GNA14: variants seen among roughly 807,000 people sequenced by gnomAD.
GNA14 encodes the protein G protein subunit alpha 14, also known as guanine nucleotide-binding protein subunit alpha-14.
A neutral mutation model predicts 42.0 loss-of-function variants in GNA14; 50 were observed. That is an observed-to-expected ratio of 1.19 (90% CI 0.95 to 1.51). The LOEUF is 1.51. GNA14 is among the 40% of genes most tolerant of loss of function. The pLI, the probability that GNA14 is intolerant of heterozygous loss-of-function variation, is 0.00. For missense variants in GNA14, 473 were observed against 446.2 expected, an observed-to-expected ratio of 1.06 and a Z score of -0.54; for synonymous variants, 173 against 163.1, an observed-to-expected ratio of 1.06 and a Z score of -0.46.
intron 1 of GNA14, among the ~76,000 whole-genome samples, chr9:77,601,557 T>C (rs1428608489): frequency 1.3e-5 from 2 of 152,218 alleles, no homozygotes; most frequent in Non-Finnish European, 2.9e-5. Context: ...CTACTCTGCA[T>C]AGAAAGAGAC....
At chr9:77,616,006 C>T (rs1426262514) in intron 1 of GNA14, among the ~76,000 whole-genome samples, 1 of 152,116 alleles carries the variant, frequency 6.6e-6, no homozygotes, top group Non-Finnish European at 1.5e-5. Flanking sequence ...TCATGCTATA[C>T]ATGCAGGGTT....
chr9:77,459,442 G>A (rs1485123008), intron 2 of GNA14, among the ~76,000 whole-genome samples: 6 of 151,836 alleles, frequency 4.0e-5, no homozygotes, highest in Non-Finnish European at 5.9e-5. Flanking sequence ...GCCTGGCCTC[G>A]CCTCCTGTCT....
chr9:77,569,114 A>AT (rs1279747259), intron 1 of GNA14, among the ~76,000 whole-genome samples: 1 of 150,418 alleles, frequency 6.6e-6, no homozygotes, highest in Non-Finnish European at 1.5e-5. Context: ...CCCCAGATGC[A>AT]TTTTAAACTG....
intron 1 of GNA14, among the ~76,000 whole-genome samples, chr9:77,548,182 C>T (rs975053091): frequency 6.6e-6 from 1 of 152,196 alleles, no homozygotes; most frequent in Admixed American, 6.5e-5. Context: ...CTGCTCCATG[C>T]TCCTCTCCCA....
chr9:77,507,284 C>T (rs1300539656), intron 2 of GNA14, among the ~76,000 whole-genome samples: 2 of 152,186 alleles, frequency 1.3e-5, no homozygotes, highest in Non-Finnish European at 2.9e-5. Flanking sequence ...AATATGCTTA[C>T]CCAATTCCTA....
At chr9:77,635,227 C>T (rs7869826) in intron 1 of GNA14, 51,553 of 151,992 alleles carry the variant, frequency 0.34, 12,607 homozygotes, top group African/African-American at 0.66. Flanking sequence ...CTTCATGAAT[C>T]TGCATGTCAT....
At chr9:77,487,703 GT>G (rs1359292849) in intron 2 of GNA14, among the ~76,000 whole-genome samples, 1 of 152,110 alleles carries the variant, frequency 6.6e-6, no homozygotes, top group Non-Finnish European at 1.5e-5. Context: ...AAACTAGGAT[GT>G]TTTGGTTCAT....
chr9:77,607,262 CACACAG>C (rs1218085956), intron 1 of GNA14, among the ~76,000 whole-genome samples: 2 of 152,150 alleles, frequency 1.3e-5, no homozygotes, highest in Non-Finnish European at 2.9e-5. Context: ...ATCACTGGCT[CACACAG>C]ACGAGAGATG....
chr9:77,508,440 G>A (rs1382912314), intron 2 of GNA14, among the ~76,000 whole-genome samples: 1 of 152,170 alleles, frequency 6.6e-6, no homozygotes, highest in Admixed American at 6.5e-5. Context: ...GGTGGTGTTG[G>A]ATTAAAATTG....
At chr9:77,443,198 TAC>T (rs1835763678) in intron 2 of GNA14, among the ~76,000 whole-genome samples, 1 of 152,228 alleles carries the variant, frequency 6.6e-6, no homozygotes, top group African/African-American at 2.4e-5. Context: ...AATTTGAATT[TAC>T]AGATACATTT....
At chr9:77,577,850 CAT>C (rs964087915) in intron 1 of GNA14, among the ~76,000 whole-genome samples, 2 of 152,032 alleles carry the variant, frequency 1.3e-5, no homozygotes, top group African/African-American at 4.8e-5. Flanking sequence ...ACAAAGAAAT[CAT>C]AAATACTCCT....
chr9:77,479,338 T>C (rs1055378463), intron 2 of GNA14, among the ~76,000 whole-genome samples: 11 of 152,212 alleles, frequency 7.2e-5, no homozygotes, highest in African/African-American at 2.2e-4. Context: ...GTTGTAGATA[T>C]GCGGCATTAT....
chr9:77,552,374 G>A (rs753495432), intron 1 of GNA14, among the ~76,000 whole-genome samples: 4 of 152,152 alleles, frequency 2.6e-5, no homozygotes, highest in Middle Eastern at 3.4e-3. Context: ...AACATGCTCC[G>A]AGCATTTCTT....
At chr9:77,533,445 G>T (rs1227579631) in intron 1 of GNA14, among the ~76,000 whole-genome samples, 1 of 152,196 alleles carries the variant, frequency 6.6e-6, no homozygotes, top group Non-Finnish European at 1.5e-5. Flanking sequence ...CTCTCAAAAT[G>T]CAAGGATTAC....
At chr9:77,554,135 T>A (rs531208362) in intron 1 of GNA14, among the ~76,000 whole-genome samples, 1 of 152,134 alleles carries the variant, frequency 6.6e-6, no homozygotes, top group African/African-American at 2.4e-5. Flanking sequence ...ATTGGCCTCA[T>A]CTGGGAAACG....
At chr9:77,624,076 G>C (rs1023229725) in intron 1 of GNA14, among the ~76,000 whole-genome samples, 1 of 152,162 alleles carries the variant, frequency 6.6e-6, no homozygotes, top group Non-Finnish European at 1.5e-5. Flanking sequence ...ACTCAAGCTT[G>C]CTGGGAGGGA....
chr9:77,531,520 G>A (rs1040593186), intron 1 of GNA14, among the ~76,000 whole-genome samples: 6 of 152,252 alleles, frequency 3.9e-5, no homozygotes, highest in African/African-American at 9.6e-5. Context: ...ATACTGCCAC[G>A]TCGGTCTCTT....
chr9:77,424,254 G>GACTTTACTGTTCTAGATAAATTTTAA, intron 6 of GNA14, 85 bp from the exon 7 acceptor site: 1 of 914,708 alleles, frequency 1.1e-6, no homozygotes, highest in Non-Finnish European at 1.7e-6. Context: ...ACAGAGTCTC[G>GACTTTACTGTTCTAGATAAATTTTAA]CTCTGTAGCC....
At chr9:77,578,461 A>G (rs908641154) in intron 1 of GNA14, among the ~76,000 whole-genome samples, 4 of 152,164 alleles carry the variant, frequency 2.6e-5, no homozygotes, top group African/African-American at 9.7e-5. Flanking sequence ...AGCTTGTTTG[A>G]TATTGTGCTT....
Sources: allele counts gnomAD v4.1 joint callset (sites outside exome capture counted in the v4.1 genomes callset), GRCh38; gene constraint gnomAD v4.1.1; transcripts MANE v1.5; gene names NCBI Gene and HGNC (gene_info 2026-07-23, HGNC 2026-07-21).